PKD2L1: variants seen among roughly 807,000 people sequenced by gnomAD.
PKD2L1 encodes the protein polycystin-2-like protein 1.
In PKD2L1, 77 loss-of-function variants were observed where a neutral mutation model predicts 93.0. The observed-to-expected ratio is 0.83, with a 90% CI of 0.69 to 1.00. PKD2L1 has a LOEUF of 1.00. PKD2L1 is among the 50% of genes least tolerant of loss of function. The pLI, the probability that PKD2L1 is intolerant of heterozygous loss-of-function variation, is 0.00. For synonymous variants in PKD2L1, 390 were observed against 388.0 expected, an observed-to-expected ratio of 1.01 and a Z score of -0.06; for missense variants, 977 against 990.9, an observed-to-expected ratio of 0.99 and a Z score of 0.19.
At chr10:100,300,928 G>A (rs150236221) in intron 2 of PKD2L1, among the ~76,000 whole-genome samples, 47 of 152,132 alleles carry the variant, frequency 3.1e-4, no homozygotes, top group African/African-American at 1.4e-4. Flanking sequence ...CTCCGCTATC[G>A]GGGGAACCTG....
chr10:100,329,410 C>T (rs1055333050), intron 1 of PKD2L1, 86 bp from the exon 2 acceptor site: 8 of 1,570,130 alleles, frequency 5.1e-6, no homozygotes, highest in Non-Finnish European at 7.0e-6. Context: ...GGACTTTAGC[C>T]CCTTTCCACC....
intron 2 of PKD2L1, among the ~76,000 whole-genome samples, chr10:100,309,082 T>C (rs1292852433): frequency 1.3e-5 from 2 of 152,178 alleles, no homozygotes; most frequent in East Asian, 3.9e-4. Flanking sequence ...ACCTGGGTTA[T>C]TTATAACATC....
At chr10:100,329,162 C>T (rs751844537) in intron 2 of PKD2L1, 49 bp downstream of exon 2, 2 of 1,579,720 alleles carry the variant, frequency 1.3e-6, no homozygotes, top group East Asian at 2.2e-5. Context: ...ATAGTGCACA[C>T]ATAGATGTTT....
chr10:100,323,035 A>C lies in PKD2L1; in HGVS notation c.349+6176T>G, dbSNP rs374291078. On this transcript the variant is annotated intron_variant, in intron 2 of 15. Coordinates refer to ENST00000318222, the MANE Select transcript of PKD2L1 (RefSeq NM_016112.3). ...ACATAATATAGTGCTAGGTGCATTG[A>C]AAAATTATTCAATAAAGGTTTGTTG... Among the ~76,000 whole-genome samples, 160 of 152,320 alleles carry C rather than the reference A, an allele frequency of 1.1e-3. 2 individuals are homozygous for C. Among genetic ancestry groups the C allele is most frequent in the South Asian group, 6.4e-3 (31 of 4,828 alleles).
In PKD2L1 at chr10:100,303,191, G is replaced by GTTTTTTTTTTTTTTTTTTTTTTTTTT. The variant is rs146131470; in HGVS notation, c.350-3474_350-3473insAAAAAAAAAAAAAAAAAAAAAAAAAA. Among the ~76,000 whole-genome samples the GTTTTTTTTTTTTTTTTTTTTTTTTTT allele has an allele frequency of 5.4e-5, 7 of 128,984 alleles. 2 individuals are homozygous for GTTTTTTTTTTTTTTTTTTTTTTTTTT. The highest frequency in any genetic ancestry group is 6.0e-5 in the African/African-American group (2 of 33,566). The allele number at this position is 128,984 out of a possible 152,430, so 84.6% of individuals were successfully genotyped here. A position where few individuals can be genotyped will look rare whatever the true frequency, so the allele number is the denominator to read the frequency against. On this transcript the variant is annotated intron_variant, in intron 2 of 15. Coordinates refer to ENST00000318222, the MANE Select transcript of PKD2L1 (RefSeq NM_016112.3). ...TTTAAGTCCATAATTACATCAAACTGTTTTTTTGTTTTTTTTTTTGAGACG... is the reference window on the plus strand; with the variant it reads ...TTTAAGTCCATAATTACATCAAACTGTTTTTTTTTTTTTTTTTTTTTTTTTTTTTTTTTGTTTTTTTTTTTGAGACG...
chr10:100,314,143 A>G (rs1849001968), intron 2 of PKD2L1, among the ~76,000 whole-genome samples: 1 of 152,110 alleles, frequency 6.6e-6, no homozygotes, highest in African/African-American at 2.4e-5. Flanking sequence ...TTAAACAGAA[A>G]CTATGTTATC....
intron 2 of PKD2L1, among the ~76,000 whole-genome samples, chr10:100,327,904 C>A (rs1348759789): frequency 6.6e-6 from 1 of 152,222 alleles, no homozygotes; most frequent in Non-Finnish European, 1.5e-5. Flanking sequence ...TTTCTGCCAG[C>A]TTTCCTAGAG....
chr10:100,328,537 C>G (rs911552113), intron 2 of PKD2L1, among the ~76,000 whole-genome samples: 3 of 152,012 alleles, frequency 2.0e-5, no homozygotes, highest in African/African-American at 7.3e-5. Flanking sequence ...AGTATAATAA[C>G]TACGTGAAGC....
chr10:100,297,051 G>T lies in PKD2L1; in HGVS notation c.1114C>A (p.Leu372Met), dbSNP rs779030987. 6.2e-7 allele frequency: 1 copy of T among 1,614,138 alleles called. No homozygotes were observed. The highest frequency in any genetic ancestry group is 8.5e-7 in the Non-Finnish European group (1 of 1,179,982). The change falls in exon 6 of 16, where the codon CTG becomes ATG. Residue 372 changes from leucine to methionine, a missense_variant. Transcript: ENST00000318222. ...FIFYYVVEEI[L>M]ELHIHRLRYL... is the part of the protein sequence containing the mutation. ...CGAAGCCGGTGAATGTGGAGCTCCAGGATCTCTTCCACCACATAGTAGAAG... is the reference window on the plus strand; with the variant it reads ...CGAAGCCGGTGAATGTGGAGCTCCATGATCTCTTCCACCACATAGTAGAAG...
chr10:100,318,023 T>A (rs1012870698), intron 2 of PKD2L1, among the ~76,000 whole-genome samples: 1 of 151,754 alleles, frequency 6.6e-6, no homozygotes, highest in African/African-American at 2.4e-5. Flanking sequence ...GAGGTCGCAG[T>A]GAGCCAAGAT....
chr10:100,323,986 C>T (rs1849321946), intron 2 of PKD2L1, among the ~76,000 whole-genome samples: 1 of 152,060 alleles, frequency 6.6e-6, no homozygotes, highest in Admixed American at 6.6e-5. Flanking sequence ...CGCCATCACG[C>T]CTGGCTAATT....
Position 100,288,300 on chromosome 10 carries a change from C to G in PKD2L1, c.*96G>C. ...TCCCTTCAGGCTCCATTTTTATCTC[C>G]TGGTTAAAGCCCACTCAGTTTCCAG... On this transcript the variant is annotated 3_prime_UTR_variant, in exon 16 of 16. Coordinates refer to ENST00000318222, the MANE Select transcript of PKD2L1 (RefSeq NM_016112.3). The G allele has an allele frequency of 1.3e-6, 1 of 763,434 alleles. No individual in the cohort carries two copies. Among genetic ancestry groups the G allele is most frequent in the Non-Finnish European group, 2.3e-6 (1 of 430,300 alleles). 47.3% of individuals were successfully genotyped at this position (763,434 alleles called of 1,614,324 possible).
chr10:100,320,413 T>A (rs1340638822), intron 2 of PKD2L1, among the ~76,000 whole-genome samples: 1 of 152,214 alleles, frequency 6.6e-6, no homozygotes, highest in Non-Finnish European at 1.5e-5. Context: ...ATGGTCAGTA[T>A]GGTTGACCAT....
Position 100,296,977 on chromosome 10 carries a change from C to T in PKD2L1, c.1185+3G>A, listed in dbSNP as rs118150865. ...TCCCAAGTCCTAGATATCTGTCCCT[C>T]ACCAAGATGACCACCAGGTCCAGTA... On this transcript the variant is annotated splice_donor_region_variant and intron_variant, in intron 6 of 15. Coordinates refer to ENST00000318222, the MANE Select transcript of PKD2L1 (RefSeq NM_016112.3). 9,550 of 1,600,878 alleles carry T rather than the reference C, an allele frequency of 6.0e-3. 155 individuals carry two copies. The highest frequency in any genetic ancestry group is 0.038 in the East Asian group (1,716 of 44,816).
chr10:100,319,535 C>T (rs1849182115), intron 2 of PKD2L1, among the ~76,000 whole-genome samples: 1 of 152,232 alleles, frequency 6.6e-6, no homozygotes, highest in Non-Finnish European at 1.5e-5. Context: ...TATATTTCTG[C>T]TCCTTTCTTT....
chr10:100,329,866 T>A lies in PKD2L1; in HGVS notation c.235+3A>T. On this transcript the variant is annotated splice_donor_region_variant and intron_variant, in intron 1 of 15. Transcript: ENST00000318222. ...CCAGGAGAACTGTCCCCCTATCTGG[T>A]ACCTCTGATGCCTTGACAGATATGG... 1 of 1,579,310 alleles carries A rather than the reference T, an allele frequency of 6.3e-7. No individual in the cohort carries two copies. The highest frequency in any genetic ancestry group is 8.7e-7 in the Non-Finnish European group (1 of 1,151,752).
At chr10:100,288,726 G>A (rs1384083217) in intron 15 of PKD2L1, among the ~76,000 whole-genome samples, 1 of 151,940 alleles carries the variant, frequency 6.6e-6, no homozygotes, top group African/African-American at 2.4e-5. Flanking sequence ...GGGAGTAAAA[G>A]GCCCAGTGGA....
chr10:100,318,848 TATC>T (rs1384821126), intron 2 of PKD2L1, among the ~76,000 whole-genome samples: 32 of 144,154 alleles, frequency 2.2e-4, no homozygotes, highest in South Asian at 4.4e-4. Context: ...TCTCTCTCTC[TATC>T]TTTTTTTTTT....
chr10:100,288,810 C>T (rs768486813), intron 15 of PKD2L1, among the ~76,000 whole-genome samples, 162 bp downstream of exon 15: 1 of 152,234 alleles, frequency 6.6e-6, no homozygotes, highest in Non-Finnish European at 1.5e-5. Flanking sequence ...ATGCCCACCA[C>T]ACACAGAAAC....
Sources: allele counts gnomAD v4.1 joint callset (sites outside exome capture counted in the v4.1 genomes callset), GRCh38; gene constraint gnomAD v4.1.1; transcripts MANE v1.5; gene names NCBI Gene and HGNC (gene_info 2026-07-23, HGNC 2026-07-21).